The following GRID2 variants were observed in gnomAD, a reference collection of about 807,000 sequenced individuals.
GRID2 encodes the protein glutamate receptor ionotropic, delta-2.
A neutral mutation model predicts 114.8 loss-of-function variants in GRID2; 33 were observed. That is an observed-to-expected ratio of 0.29 (90% CI 0.22 to 0.38). The LOEUF (loss-of-function observed/expected upper bound fraction) is 0.38, where lower values mean the gene tolerates loss of function less well. GRID2 is among the 10% of genes least tolerant of loss of function. The pLI is 1.00. For synonymous variants in GRID2, 505 were observed against 449.9 expected, an observed-to-expected ratio of 1.12 and a Z score of -1.55; for missense variants, 1,184 against 1,257.7, an observed-to-expected ratio of 0.94 and a Z score of 0.89.
chr4:93,501,270 C>T (rs1238836281), intron 12 of GRID2, among the ~76,000 whole-genome samples: 3 of 151,984 alleles, frequency 2.0e-5, no homozygotes, highest in Admixed American at 1.3e-4. Context: ...TCTAAGTATC[C>T]TTTGTGTCAC....
chr4:92,585,850 C>T (rs1340189139), intron 1 of GRID2, among the ~76,000 whole-genome samples: 1 of 151,752 alleles, frequency 6.6e-6, no homozygotes, highest in Non-Finnish European at 1.5e-5. Flanking sequence ...ATGATTATTA[C>T]CTTGCTAACT....
At chr4:93,540,847 T>C (rs1421965842) in intron 13 of GRID2, among the ~76,000 whole-genome samples, 1 of 152,182 alleles carries the variant, frequency 6.6e-6, no homozygotes, top group Non-Finnish European at 1.5e-5. Context: ...ACATGTAGCT[T>C]TGTCTTCCAC....
intron 2 of GRID2, among the ~76,000 whole-genome samples, chr4:92,854,000 A>G (rs1578314935): frequency 6.6e-6 from 1 of 151,684 alleles, no homozygotes; most frequent in East Asian, 1.9e-4. Context: ...TCAATTTGAA[A>G]TTAAAAAAAA....
intron 2 of GRID2, among the ~76,000 whole-genome samples, chr4:92,772,686 A>G (rs546896163): frequency 1.8e-4 from 27 of 152,142 alleles, no homozygotes; most frequent in Non-Finnish European, 3.7e-4. Context: ...TCTTCATATT[A>G]CTATGTAGTC....
rs879856335 is a variant in GRID2, at chr4:93,773,132, T to A, written c.*634T>A. Reference sequence around the variant, plus strand: ...TGCAACAGTGCATATGACCTTTATGTGATTGTACAGTATTAAAAGTTTTTT... The same window carrying A: ...TGCAACAGTGCATATGACCTTTATGAGATTGTACAGTATTAAAAGTTTTTT... On this transcript the variant is annotated 3_prime_UTR_variant, in exon 16 of 16. Coordinates refer to ENST00000282020, the MANE Select transcript of GRID2 (RefSeq NM_001510.4). 1.3e-5 allele frequency: 2 copies of A among 152,188 alleles called. No individual in the cohort carries two copies. Among genetic ancestry groups the A allele is most frequent in the Non-Finnish European group, 2.9e-5 (2 of 68,022 alleles). 9.4% of individuals were successfully genotyped at this position (152,188 alleles called of 1,614,324 possible). A position where few individuals can be genotyped will look rare whatever the true frequency, so the allele number is the denominator to read the frequency against.
At chr4:93,158,176 T>C (rs1291878242) in intron 4 of GRID2, among the ~76,000 whole-genome samples, 1 of 151,808 alleles carries the variant, frequency 6.6e-6, no homozygotes, top group African/African-American at 2.4e-5. Context: ...TTTCTGCCAC[T>C]AGAGGGAAAG....
At chr4:93,246,392 C>A (rs1464620989) in intron 8 of GRID2, among the ~76,000 whole-genome samples, 2 of 151,932 alleles carry the variant, frequency 1.3e-5, no homozygotes, top group African/African-American at 4.8e-5. Flanking sequence ...TCGAGATCAT[C>A]CTGGCTAACA....
At chr4:93,006,237 A>T (rs1721509954) in intron 2 of GRID2, among the ~76,000 whole-genome samples, 1 of 152,094 alleles carries the variant, frequency 6.6e-6, no homozygotes. Context: ...AAAGTATATA[A>T]ATGACACCTG....
intron 3 of GRID2, among the ~76,000 whole-genome samples, chr4:93,101,426 A>G (rs1243860817): frequency 6.6e-6 from 1 of 151,456 alleles, no homozygotes; most frequent in Non-Finnish European, 1.5e-5. Flanking sequence ...TAACCCCTCT[A>G]CCCTTCTTGG....
chr4:92,432,479 TTCCTC>T (rs1261703652), intron 1 of GRID2, among the ~76,000 whole-genome samples: 2 of 152,008 alleles, frequency 1.3e-5, no homozygotes, highest in Admixed American at 6.6e-5. Context: ...TTCCCACTCT[TTCCTC>T]TCCTTTCTTC....
chr4:93,727,594 C>G (rs746115759), intron 14 of GRID2, among the ~76,000 whole-genome samples: 1 of 152,090 alleles, frequency 6.6e-6, no homozygotes, highest in East Asian at 1.9e-4. Context: ...TGGTAGAATT[C>G]GGCTGTGAAT....
intron 1 of GRID2, among the ~76,000 whole-genome samples, chr4:92,455,906 A>G (rs1721191282): frequency 6.6e-6 from 1 of 152,196 alleles, no homozygotes; most frequent in Non-Finnish European, 1.5e-5. Context: ...TCTCTTTTAC[A>G]AAAGACAAAC....
intron 14 of GRID2, among the ~76,000 whole-genome samples, chr4:93,745,411 G>A (rs542291498): frequency 2.6e-4 from 39 of 152,026 alleles, no homozygotes; most frequent in Middle Eastern, 3.4e-3. Flanking sequence ...TTATTTCCTC[G>A]GTTTAACAAA....
chr4:93,797,421 A>G (rs544598342), intron 1 of GRID2, among the ~76,000 whole-genome samples: 16 of 152,194 alleles, frequency 1.1e-4, no homozygotes, highest in Non-Finnish European at 2.2e-4. Flanking sequence ...GGTTCTGCAG[A>G]AAAATGTGTC....
At chr4:92,825,214 C>T (rs1467855508) in intron 2 of GRID2, among the ~76,000 whole-genome samples, 1 of 152,008 alleles carries the variant, frequency 6.6e-6, no homozygotes, top group Non-Finnish European at 1.5e-5. Flanking sequence ...CTAAAGAGAA[C>T]CTTTGCGCAA....
At chr4:92,961,267 G>A (rs1752786767) in intron 2 of GRID2, among the ~76,000 whole-genome samples, 1 of 151,392 alleles carries the variant, frequency 6.6e-6, no homozygotes, top group African/African-American at 2.4e-5. Flanking sequence ...ATTTTCTGAT[G>A]CTCTTTCTTT....
At chr4:93,220,474 C>T (rs911745084) in intron 6 of GRID2, among the ~76,000 whole-genome samples, 1 of 152,126 alleles carries the variant, frequency 6.6e-6, no homozygotes, top group Admixed American at 6.6e-5. Flanking sequence ...ATTTAAGTCT[C>T]ATTATTACCT....
chr4:92,530,324 T>C (rs1725271579), intron 1 of GRID2, among the ~76,000 whole-genome samples: 1 of 151,982 alleles, frequency 6.6e-6, no homozygotes, highest in Non-Finnish European at 1.5e-5. Flanking sequence ...GTCTCAGCAT[T>C]ACTAAAAGTA....
At chr4:92,401,876 C>T (rs1730804660) in intron 1 of GRID2, among the ~76,000 whole-genome samples, 1 of 152,172 alleles carries the variant, frequency 6.6e-6, no homozygotes, top group South Asian at 2.1e-4. Context: ...TTGCCCATAT[C>T]TTTTCTCTGT....
Sources: gnomAD v4.1 joint callset for allele counts (sites outside exome capture counted in the v4.1 genomes callset) on GRCh38, gnomAD v4.1.1 for gene constraint, MANE v1.5 for transcripts, NCBI Gene and HGNC (gene_info 2026-07-23, HGNC 2026-07-21) for gene names.